FUT9: variants seen among roughly 807,000 people sequenced by gnomAD.
FUT9 encodes 4-galactosyl-N-acetylglucosaminide 3-alpha-L-fucosyltransferase 9.
FUT9 carries 15 observed loss-of-function variants against 29.7 expected under a neutral mutation model. The observed-to-expected ratio is 0.51, with a 90% CI of 0.34 to 0.78. The LOEUF (loss-of-function observed/expected upper bound fraction) is 0.78. FUT9 is among the 30% of genes least tolerant of loss of function. FUT9 has a pLI of 0.01. For synonymous variants in FUT9, 169 were observed against 153.7 expected (o/e 1.10, Z -0.74); for missense variants, 319 against 425.4 (o/e 0.75, Z 2.20).
chr6:96,161,067 G>T (rs1406931036), intron 2 of FUT9, among the ~76,000 whole-genome samples: 3 of 152,148 alleles, frequency 2.0e-5, no homozygotes, highest in African/African-American at 7.2e-5. Flanking sequence ...TGTAACACAA[G>T]AGTAGAAACA....
At chr6:96,173,899 TA>T (rs1223739069) in intron 2 of FUT9, among the ~76,000 whole-genome samples, 4 of 152,128 alleles carry the variant, frequency 2.6e-5, no homozygotes, top group African/African-American at 9.7e-5. Flanking sequence ...AATTTTCTAT[TA>T]AAAAACCATT....
intron 2 of FUT9, among the ~76,000 whole-genome samples, chr6:96,133,186 G>A (rs905308534): frequency 4.6e-5 from 7 of 151,756 alleles, no homozygotes; most frequent in African/African-American, 7.3e-5. Context: ...ATTTGTATGC[G>A]TGTGTACTGG....
At chr6:96,164,633 C>T (rs1772980324) in intron 2 of FUT9, among the ~76,000 whole-genome samples, 2 of 152,080 alleles carry the variant, frequency 1.3e-5, no homozygotes, top group Admixed American at 1.3e-4. Context: ...GTCTTAAGAT[C>T]GCAGTTTTAA....
intron 1 of FUT9, among the ~76,000 whole-genome samples, chr6:96,083,740 A>T (rs1236627465): frequency 6.6e-6 from 1 of 152,226 alleles, no homozygotes; most frequent in East Asian, 1.9e-4. Flanking sequence ...CATTAAAAAG[A>T]AATAAATAAA....
intron 2 of FUT9, among the ~76,000 whole-genome samples, chr6:96,143,184 G>A (rs1772497703): frequency 6.6e-6 from 1 of 152,098 alleles, no homozygotes. Context: ...TGGTATTAGA[G>A]CCCTTATAAA....
chr6:96,188,645 G>A (rs58139215), intron 2 of FUT9, among the ~76,000 whole-genome samples: 1,009 of 43,532 alleles, frequency 0.023, 8 homozygotes, highest in African/African-American at 0.049. Flanking sequence ...ATATATATAT[G>A]TGTGTGTGTG....
At chr6:96,183,690 A>G (rs887483501) in intron 2 of FUT9, among the ~76,000 whole-genome samples, 3 of 152,008 alleles carry the variant, frequency 2.0e-5, no homozygotes, top group Non-Finnish European at 4.4e-5. Context: ...TTCTGTGTCT[A>G]TTGAGATGAT....
chr6:96,021,571 T>C (rs1314373808), intron 1 of FUT9, among the ~76,000 whole-genome samples: 2 of 152,054 alleles, frequency 1.3e-5, no homozygotes, highest in South Asian at 2.1e-4. Context: ...AAAACCACTT[T>C]AGTAAGTTAG....
chr6:96,109,774 C>T (rs1168269586), intron 1 of FUT9, among the ~76,000 whole-genome samples: 1 of 152,114 alleles, frequency 6.6e-6, no homozygotes, highest in East Asian at 1.9e-4. Context: ...AAATTGTATT[C>T]AGATCATGCT....
chr6:96,159,823 A>C (rs190397275), intron 2 of FUT9, among the ~76,000 whole-genome samples: 24 of 152,322 alleles, frequency 1.6e-4, no homozygotes, highest in Admixed American at 3.3e-4. Flanking sequence ...TTAGCAGTAG[A>C]TGTAATAAAC....
intron 1 of FUT9, among the ~76,000 whole-genome samples, chr6:96,033,700 C>G (rs1275389163): frequency 2.6e-5 from 4 of 151,574 alleles, no homozygotes; most frequent in Non-Finnish European, 4.4e-5. Context: ...ATTATATAGA[C>G]AAGCTGTCTT....
chr6:96,064,770 C>A (rs567154758), intron 1 of FUT9, among the ~76,000 whole-genome samples: 3 of 152,098 alleles, frequency 2.0e-5, no homozygotes, highest in Non-Finnish European at 4.4e-5. Context: ...TGCACACACA[C>A]GCAAACACAC....
chr6:96,125,847 G>A (rs1364285268), intron 2 of FUT9, among the ~76,000 whole-genome samples: 1 of 152,076 alleles, frequency 6.6e-6, no homozygotes, highest in African/African-American at 2.4e-5. Context: ...TCCTGCCTTC[G>A]TTTATTTTCA....
chr6:96,135,826 A>T (rs1434906825), intron 2 of FUT9, among the ~76,000 whole-genome samples: 5 of 151,860 alleles, frequency 3.3e-5, no homozygotes, highest in African/African-American at 9.7e-5. Context: ...ACAATTTTTT[A>T]AAAATATAAA....
chr6:96,037,774 G>A (rs1258177708), intron 1 of FUT9, among the ~76,000 whole-genome samples: 2 of 152,006 alleles, frequency 1.3e-5, no homozygotes, highest in African/African-American at 4.8e-5. Context: ...ATTTTCATTA[G>A]CCAATTATAC....
At position 96,110,548 on chromosome 6, in the gene FUT9, T is replaced by C. The variant is rs536500358; in HGVS notation, c.-97-3491T>C. 3.3e-5 allele frequency among the ~76,000 whole-genome samples: 5 copies of C among 152,306 alleles called. No individual in the cohort carries two copies. The South Asian group carries it at 6.2e-4, about 19-fold the overall frequency. On this transcript the variant is annotated intron_variant, in intron 1 of 2. Coordinates refer to ENST00000302103, the MANE Select transcript of FUT9 (RefSeq NM_006581.4). Reference sequence around the variant, plus strand: ...TTCAAAAGATACATCCCCTAGAGGATTGGCCTCGACAAGCTGGGAAGAAAA... The same window carrying C: ...TTCAAAAGATACATCCCCTAGAGGACTGGCCTCGACAAGCTGGGAAGAAAA...
rs1773974238 is a variant in FUT9, at chr6:96,213,258, C to T, written c.*9023C>T. 1 of 166,850 alleles carries T rather than the reference C, an allele frequency of 6.0e-6. No individual in the cohort carries two copies. Among genetic ancestry groups the T allele is most frequent in the Admixed American group, 6.6e-5 (1 of 15,236 alleles). The allele number at this position is 166,850 out of a possible 1,614,324, so 10.3% of individuals were successfully genotyped here. A position where few individuals can be genotyped will look rare whatever the true frequency, so the allele number is the denominator to read the frequency against. ...AGAGTTAGGACTTTACATGATTTCT[C>T]TTGCCTCATTCCCTCAAGAATGCAC... On this transcript the variant is annotated 3_prime_UTR_variant, in exon 3 of 3. Transcript: ENST00000302103.
chr6:96,195,340 A>G (rs1160312233), intron 2 of FUT9, among the ~76,000 whole-genome samples: 2 of 152,274 alleles, frequency 1.3e-5, no homozygotes, highest in African/African-American at 2.4e-5. Context: ...TTTGGTGGCA[A>G]CTTCCTCAGG....
At chr6:96,169,728 A>G (rs1773078077) in intron 2 of FUT9, among the ~76,000 whole-genome samples, 1 of 152,132 alleles carries the variant, frequency 6.6e-6, no homozygotes, top group Non-Finnish European at 1.5e-5. Flanking sequence ...AATCTCTTTT[A>G]AATGCTCTGT....
Sources: gnomAD v4.1 joint callset for allele counts (sites outside exome capture counted in the v4.1 genomes callset) on GRCh38, gnomAD v4.1.1 for gene constraint, MANE v1.5 for transcripts, NCBI Gene and HGNC (gene_info 2026-07-23, HGNC 2026-07-21) for gene names.